NLRP13: variants seen among roughly 807,000 people sequenced by gnomAD.
NLRP13 encodes NACHT, LRR and PYD domains-containing protein 13.
A neutral mutation model predicts 94.4 loss-of-function variants in NLRP13; 82 were observed. The ratio of observed to expected loss-of-function variants is 0.87; its 90% CI spans 0.73 to 1.04. NLRP13 has a LOEUF of 1.04. NLRP13 is among the 50% of genes least tolerant of loss of function. The pLI, the probability that NLRP13 is intolerant of heterozygous loss-of-function variation, is 0.00. For synonymous variants in NLRP13, 553 were observed against 464.7 expected (o/e 1.19, Z -2.45); for missense variants, 1,426 against 1,230.8 (o/e 1.16, Z -2.37).
chr19:55,919,598 G>A (rs1986762388), intron 4 of NLRP13, among the ~76,000 whole-genome samples: 1 of 151,636 alleles, frequency 6.6e-6, no homozygotes, highest in African/African-American at 2.4e-5. Flanking sequence ...AAATTAAGAA[G>A]GCAATCTATT....
At chr19:55,906,614 C>T (rs1003547997) in intron 7 of NLRP13, among the ~76,000 whole-genome samples, 2 of 152,088 alleles carry the variant, frequency 1.3e-5, no homozygotes, top group African/African-American at 4.8e-5. Flanking sequence ...GTCTCCCAGG[C>T]TGAGGAAGTT....
chr19:55,905,238 A>C (rs1272477331), intron 7 of NLRP13, 126 bp from the exon 8 acceptor site: 2 of 1,067,332 alleles, frequency 1.9e-6, no homozygotes, highest in East Asian at 5.3e-5. Context: ...GAAAGAACAA[A>C]AGCTTAAAGA....
chr19:55,892,385 A>C (rs1189028885), downstream of NLRP13, among the ~76,000 whole-genome samples: 1 of 53,360 alleles, frequency 1.9e-5, no homozygotes, highest in Non-Finnish European at 3.9e-5. Context: ...ATATACACAC[A>C]CATACACACA....
In NLRP13 at chr19:55,910,551, T is replaced by A; in HGVS notation, c.2282+12A>T. ...AGGGTATCTTCTTGAGCTGCTGGCGTCTCACACTTACGTCAGTTTCTGGAC... is the reference window on the plus strand; with the variant it reads ...AGGGTATCTTCTTGAGCTGCTGGCGACTCACACTTACGTCAGTTTCTGGAC... On this transcript the variant is annotated intron_variant, in intron 6 of 10. Transcript: ENST00000342929. The A allele has an allele frequency of 6.3e-7, 1 of 1,579,632 alleles. No individual in the cohort carries two copies.
chr19:55,916,275 T>C (rs987928926), intron 4 of NLRP13, among the ~76,000 whole-genome samples: 3 of 152,058 alleles, frequency 2.0e-5, no homozygotes, highest in African/African-American at 7.2e-5. Context: ...TTTCTTCAGA[T>C]AAGAAACTAA....
rs1211364363 is a variant in NLRP13 at position 55,924,641 on chromosome 19, C to T, written c.406G>A (p.Gly136Arg). Reference protein sequence around the residue: ...EAAAGNMQTQGCQDPNQEELD... With the variant: ...EAAAGNMQTQRCQDPNQEELD... Reference sequence around the variant, plus strand: ...TCTTCTTGGTTTGGATCTTGGCATCCCTGGGTCTGCATATTCCCTGAAATA... The same window carrying T: ...TCTTCTTGGTTTGGATCTTGGCATCTCTGGGTCTGCATATTCCCTGAAATA... The change falls in exon 3 of 11, where the codon GGA (glycine) becomes AGA (arginine). Residue 136 changes from glycine (G) to arginine (R), a missense_variant. Gly to Arg is a moderately radical substitution (Grantham distance 125). Coordinates refer to ENST00000342929, the MANE Select transcript of NLRP13 (RefSeq NM_176810.2). 1.9e-6 allele frequency: 3 copies of T among 1,613,212 alleles called. No individual in the cohort carries two copies. Among genetic ancestry groups the T allele is most frequent in the African/African-American group, 2.7e-5 (2 of 74,766 alleles).
chr19:55,902,043 C>T lies in NLRP13; in HGVS notation c.2781G>A (p.Gln927=). The T allele has an allele frequency of 6.2e-7, 1 of 1,614,120 alleles. No individual in the cohort carries two copies. The highest frequency in any genetic ancestry group is 1.1e-5 in the South Asian group (1 of 91,078). The change falls in exon 9 of 11, where the codon CAG becomes CAA. Residue 927 remains glutamine (Q), a synonymous_variant. Transcript: ENST00000342929. ...GAGCCAAGAAAACTTACTTCAGGCT[C>T]TGCAGGTTACCATCTGGGCGACCCA... ...EALGRPDGNL[Q]SLNLSGCSFT... is the part of the protein sequence containing the mutation.
chr19:55,910,789 C>G, intron 5 of NLRP13, 56 bp from the exon 6 acceptor site: 1 of 1,375,514 alleles, frequency 7.3e-7, no homozygotes, highest in Non-Finnish European at 1.0e-6. Context: ...AAGCAATACC[C>G]AGAATACAAC....
chr19:55,903,325 G>A (rs302837), intron 8 of NLRP13, among the ~76,000 whole-genome samples: 70,749 of 151,788 alleles, frequency 0.47, 17,602 homozygotes, highest in Non-Finnish European at 0.56. Context: ...GTGGTTCTCC[G>A]GGATAATCAA....
chr19:55,906,950 T>C (rs73062244), intron 7 of NLRP13, among the ~76,000 whole-genome samples: 36 of 125,134 alleles, frequency 2.9e-4, no homozygotes, highest in Non-Finnish European at 5.3e-4. Flanking sequence ...GTTGAGTTCC[T>C]GGGATCTGTA....
intron 4 of NLRP13, among the ~76,000 whole-genome samples, chr19:55,918,737 A>T (rs1986737520): frequency 6.6e-6 from 1 of 152,088 alleles, no homozygotes. Flanking sequence ...TTAAAAAATT[A>T]ATAACAAAAA....
intron 1 of NLRP13, among the ~76,000 whole-genome samples, chr19:55,930,918 A>C (rs549285161): frequency 1.0e-3 from 143 of 138,342 alleles, no homozygotes; most frequent in African/African-American, 3.6e-3. Flanking sequence ...CCAGAAGCTT[A>C]AACAGCATGG....
Position 55,923,981 on chromosome 19 carries a change from T to C in NLRP13, c.458-2A>G. On this transcript the variant is annotated splice_acceptor_variant, in intron 3 of 10. Coordinates refer to ENST00000342929, the MANE Select transcript of NLRP13 (RefSeq NM_176810.2). LOFTEE classifies it high-confidence loss of function. Reference sequence around the variant, plus strand: ...GGCATCCCTGGGCCTGTACATTCCCTGAAATAAACAGTGATGATGAGATAT... The same window carrying C: ...GGCATCCCTGGGCCTGTACATTCCCCGAAATAAACAGTGATGATGAGATAT... The C allele has an allele frequency of 5.6e-6, 9 of 1,612,466 alleles. No homozygotes were observed. The highest frequency in any genetic ancestry group is 7.6e-6 in the Non-Finnish European group (9 of 1,178,606).
At chr19:55,901,757 C>T (rs1010324354) in intron 9 of NLRP13, among the ~76,000 whole-genome samples, 4 of 152,102 alleles carry the variant, frequency 2.6e-5, no homozygotes, top group African/African-American at 9.7e-5. Context: ...GTCCTTTCAC[C>T]CTGATGAAGT....
rs149121317 is a variant in NLRP13, at chr19:55,898,200, G to GTTTT, written c.2957+566_2957+569dup. 4.6e-4 allele frequency among the ~76,000 whole-genome samples: 63 copies of GTTTT among 135,536 alleles called. 1 individual carries two copies. The highest frequency in any genetic ancestry group is 5.6e-4 in the Non-Finnish European group (35 of 62,502). The allele number at this position is 135,536 out of a possible 152,430, so 88.9% of individuals were successfully genotyped here. A position where few individuals can be genotyped will look rare whatever the true frequency, so the allele number is the denominator to read the frequency against. Reference sequence around the variant, plus strand: ...CTTATCATCTAGCAGGAGAGTTTTTGTTTTTGTTTTTGTTTTTTTTTTTTT... The same window carrying GTTTT: ...CTTATCATCTAGCAGGAGAGTTTTTGTTTTTTTTTGTTTTTGTTTTTTTTTTTTT... On this transcript the variant is annotated intron_variant, in intron 10 of 10. Transcript: ENST00000342929.
At chr19:55,907,582 CAAAAT>C (rs1264455179) in intron 7 of NLRP13, among the ~76,000 whole-genome samples, 1 of 152,010 alleles carries the variant, frequency 6.6e-6, no homozygotes, top group Non-Finnish European at 1.5e-5. Context: ...AAAAACAAAA[CAAAAT>C]AAAAAATAAC....
At chr19:55,923,004 G>C (rs1986871227) in intron 4 of NLRP13, among the ~76,000 whole-genome samples, 1 of 152,186 alleles carries the variant, frequency 6.6e-6, no homozygotes, top group Admixed American at 6.5e-5. Flanking sequence ...CTATGTCCCT[G>C]TGATTCTTTG....
Position 55,899,649 on chromosome 19 carries a change from G to T in NLRP13, c.2790-712C>A, listed in dbSNP as rs555702597. Among the ~76,000 whole-genome samples, 13 of 152,174 alleles carry T rather than the reference G, an allele frequency of 8.5e-5. No homozygotes were observed. In the East Asian group the frequency reaches 1.9e-3, roughly 23 times the overall value. ...ACAAGAATTATCCAGGCGTGGTGGCGGGTGCCTGCAATCCCAGCTACTTGG... is the reference window on the plus strand; with the variant it reads ...ACAAGAATTATCCAGGCGTGGTGGCTGGTGCCTGCAATCCCAGCTACTTGG... On this transcript the variant is annotated intron_variant, in intron 9 of 10. Transcript: ENST00000342929.
At chr19:55,894,581 A>AC (rs567005084), downstream of NLRP13, among the ~76,000 whole-genome samples, 478 of 152,202 alleles carry the variant, frequency 3.1e-3, 13 homozygotes, top group South Asian at 0.044. Flanking sequence ...GATCAATGGT[A>AC]CCGCCTCTGG....
Sources: allele counts gnomAD v4.1 joint callset (sites outside exome capture counted in the v4.1 genomes callset), GRCh38; gene constraint gnomAD v4.1.1; transcripts MANE v1.5; gene names NCBI Gene and HGNC (gene_info 2026-07-23, HGNC 2026-07-21).